Variants in SEMA5A observed in about 807,000 individuals in gnomAD.
SEMA5A encodes the protein semaphorin 5A, also known as semaphorin-5A.
A neutral mutation model predicts 135.5 loss-of-function variants in SEMA5A; 55 were observed. The observed-to-expected ratio is 0.41, with a 90% CI of 0.33 to 0.51. The LOEUF is 0.51. Ranked by LOEUF, SEMA5A falls within the 20% of genes least tolerant of loss-of-function variation. The pLI is 0.37. For missense variants in SEMA5A, 1,290 were observed against 1,419.9 expected, an observed-to-expected ratio of 0.91 and a Z score of 1.47; for synonymous variants, 580 against 546.5, an observed-to-expected ratio of 1.06 and a Z score of -0.85.
At chr5:9,491,350 G>A (rs992570125) in intron 1 of SEMA5A, among the ~76,000 whole-genome samples, 3 of 152,048 alleles carry the variant, frequency 2.0e-5, no homozygotes, top group Non-Finnish European at 4.4e-5. Flanking sequence ...CAAATCCATA[G>A]AATATACAAT....
intron 18 of SEMA5A, among the ~76,000 whole-genome samples, chr5:9,057,516 T>G (rs1314024050): frequency 6.6e-6 from 1 of 152,238 alleles, no homozygotes; most frequent in African/African-American, 2.4e-5. Flanking sequence ...ACTGTCCATC[T>G]GGTATCATGG....
At chr5:9,376,646 A>G (rs747676782) in intron 3 of SEMA5A, among the ~76,000 whole-genome samples, 1 of 152,174 alleles carries the variant, frequency 6.6e-6, no homozygotes, top group Non-Finnish European at 1.5e-5. Flanking sequence ...TCTCCTCAAT[A>G]TCTAGTAAAA....
chr5:9,450,002 A>G (rs1758577009), intron 1 of SEMA5A, among the ~76,000 whole-genome samples: 1 of 152,202 alleles, frequency 6.6e-6, no homozygotes. Flanking sequence ...CCTGTTTTAG[A>G]TAACAATGGC....
chr5:9,057,413 CAAACA>C (rs1736952296), intron 18 of SEMA5A, among the ~76,000 whole-genome samples: 1 of 152,188 alleles, frequency 6.6e-6, no homozygotes, highest in Non-Finnish European at 1.5e-5. Context: ...TGTGATATTC[CAAACA>C]ATATTTATTC....
At chr5:9,224,259 A>C (rs1217873696) in intron 8 of SEMA5A, among the ~76,000 whole-genome samples, 1 of 152,200 alleles carries the variant, frequency 6.6e-6, no homozygotes, top group African/African-American at 2.4e-5. Flanking sequence ...ACCTATAGAC[A>C]AACACATTCT....
chr5:9,169,544 G>C lies in SEMA5A; in HGVS notation c.1274-14849C>G, dbSNP rs1033262586. ...AGGAGCAGAACTGTGTAATGTTCAC[G>C]TGATGCAAAGGACACATTTGGCCAA... On this transcript the variant is annotated intron_variant, in intron 11 of 22. Transcript: ENST00000382496. Among the ~76,000 whole-genome samples, 3 of 152,166 alleles carry C rather than the reference G, an allele frequency of 2.0e-5. No homozygotes were observed. The East Asian group carries it at 5.8e-4, about 29-fold the overall frequency.
intron 5 of SEMA5A, among the ~76,000 whole-genome samples, chr5:9,280,400 C>T (rs1211915284): frequency 6.6e-6 from 1 of 152,324 alleles, no homozygotes; most frequent in East Asian, 1.9e-4. Flanking sequence ...TCATTCTTCA[C>T]AGGTGAGAAA....
chr5:9,050,828 C>T (rs1026838254), intron 20 of SEMA5A, among the ~76,000 whole-genome samples: 5 of 152,230 alleles, frequency 3.3e-5, no homozygotes, highest in African/African-American at 9.7e-5. Context: ...GAGACTTGTT[C>T]CATCAAAGCC....
intron 8 of SEMA5A, among the ~76,000 whole-genome samples, chr5:9,220,363 T>C (rs2059560976): frequency 1.3e-5 from 2 of 150,444 alleles, no homozygotes; most frequent in Admixed American, 1.3e-4. Context: ...AATAGAAAAC[T>C]AAGAAAAAAC....
intron 18 of SEMA5A, among the ~76,000 whole-genome samples, chr5:9,055,104 C>G (rs895247602): frequency 7.2e-5 from 11 of 152,212 alleles, no homozygotes; most frequent in Non-Finnish European, 1.6e-4. Context: ...GGTCAGGTGG[C>G]CCACCTGAAT....
At chr5:9,138,925 A>G (rs149485724) in intron 12 of SEMA5A, among the ~76,000 whole-genome samples, 1 of 152,298 alleles carries the variant, frequency 6.6e-6, no homozygotes, top group Non-Finnish European at 1.5e-5. Flanking sequence ...GTTACTGTTA[A>G]TTTATTCCTT....
rs1291091755 is a variant in SEMA5A at position 9,262,911 on chromosome 5, A to G, written c.271-25021T>C. On this transcript the variant is annotated intron_variant, in intron 5 of 22. Coordinates refer to ENST00000382496, the MANE Select transcript of SEMA5A (RefSeq NM_003966.3). ...TAGATTATAATAAAAAAAAAAAATT[A>G]AAAAAAAAAAGAAAATATATTTCTT... Among the ~76,000 whole-genome samples the G allele has an allele frequency of 3.3e-5, 4 of 122,280 alleles. No homozygotes were observed. The South Asian group carries it at 1.0e-3, about 32-fold the overall frequency. 80.2% of individuals were successfully genotyped at this position (122,280 alleles called of 152,430 possible).
chr5:9,491,779 G>C (rs1339959632), intron 1 of SEMA5A, among the ~76,000 whole-genome samples: 1 of 152,168 alleles, frequency 6.6e-6, no homozygotes, highest in Non-Finnish European at 1.5e-5. Context: ...CCATTCAAAA[G>C]GGGCATGATG....
chr5:9,383,344 T>C (rs780841526), intron 2 of SEMA5A, among the ~76,000 whole-genome samples: 1 of 152,202 alleles, frequency 6.6e-6, no homozygotes. Flanking sequence ...TTTCATTCTG[T>C]TAAAAGCAAG....
At position 9,040,715 on chromosome 5, in the gene SEMA5A, C is replaced by T. The variant is rs1176540187; in HGVS notation, c.*2182G>A. ...GTTTTTCCCAAGTCATTGCAAAAGA[C>T]TCATTAAAGACCAGCTTCGATGCCA... On this transcript the variant is annotated 3_prime_UTR_variant, in exon 23 of 23. Transcript: ENST00000382496. The T allele has an allele frequency of 1.3e-5, 2 of 152,158 alleles. No individual in the cohort carries two copies. Among genetic ancestry groups the T allele is most frequent in the Non-Finnish European group, 2.9e-5 (2 of 68,032 alleles). 9.4% of individuals were successfully genotyped at this position (152,158 alleles called of 1,614,324 possible). A position where few individuals can be genotyped will look rare whatever the true frequency, so the allele number is the denominator to read the frequency against.
At chr5:9,497,206 G>A (rs181957801) in intron 1 of SEMA5A, among the ~76,000 whole-genome samples, 7 of 152,328 alleles carry the variant, frequency 4.6e-5, no homozygotes, top group Admixed American at 1.3e-4. Flanking sequence ...GATGATCAAT[G>A]ATGAGCTCCC....
chr5:9,255,625 G>A, intron 5 of SEMA5A, among the ~76,000 whole-genome samples: 1 of 152,272 alleles, frequency 6.6e-6, no homozygotes, highest in South Asian at 2.1e-4. Context: ...CTCCTTCTCA[G>A]TCTCCTTTAG....
intron 5 of SEMA5A, among the ~76,000 whole-genome samples, chr5:9,269,706 A>G (rs540943417): frequency 1.3e-5 from 2 of 152,266 alleles, no homozygotes; most frequent in East Asian, 3.9e-4. Flanking sequence ...TGGTGACCTT[A>G]AGGCTTCTAT....
intron 12 of SEMA5A, among the ~76,000 whole-genome samples, chr5:9,150,918 G>C (rs914363895): frequency 2.0e-5 from 3 of 152,144 alleles, no homozygotes; most frequent in African/African-American, 7.2e-5. Flanking sequence ...TCCTTCAGCT[G>C]AAATCTGACC....
Sources: allele counts gnomAD v4.1 joint callset (sites outside exome capture counted in the v4.1 genomes callset), GRCh38; gene constraint gnomAD v4.1.1; transcripts MANE v1.5; gene names NCBI Gene and HGNC (gene_info 2026-07-23, HGNC 2026-07-21).